ADGRA3: variants seen among roughly 807,000 people sequenced by gnomAD.
The protein encoded by ADGRA3 is adhesion G protein-coupled receptor A3.
A neutral mutation model predicts 119.8 loss-of-function variants in ADGRA3; 56 were observed. The ratio of observed to expected loss-of-function variants is 0.47; its 90% CI spans 0.38 to 0.58. The LOEUF is 0.58. ADGRA3 is among the 20% of genes least tolerant of loss of function. The pLI is 0.00. For synonymous variants in ADGRA3, 607 were observed against 623.8 expected (o/e 0.97, Z 0.40); for missense variants, 1,516 against 1,649.0 (o/e 0.92, Z 1.40).
chr4:22,482,929 C>CTAGA (rs1412507922), intron 1 of ADGRA3, among the ~76,000 whole-genome samples: 1 of 152,154 alleles, frequency 6.6e-6, no homozygotes, highest in African/African-American at 2.4e-5. Flanking sequence ...GGATCTGCCT[C>CTAGA]CGTCAATTTT....
At chr4:22,480,938 G>A (rs1718241221) in intron 1 of ADGRA3, among the ~76,000 whole-genome samples, 1 of 152,124 alleles carries the variant, frequency 6.6e-6, no homozygotes, top group South Asian at 2.1e-4. Context: ...TGCTTTGGAA[G>A]GCCAAGGAGG....
intron 17 of ADGRA3, among the ~76,000 whole-genome samples, chr4:22,390,114 C>A (rs148543783): frequency 2.6e-5 from 4 of 151,732 alleles, no homozygotes; most frequent in Non-Finnish European, 5.9e-5. Context: ...GCCAATAATA[C>A]GTGACCTTCC....
At chr4:22,454,681 G>C (rs1717179716) in intron 4 of ADGRA3, among the ~76,000 whole-genome samples, 185 bp downstream of exon 4, 1 of 152,042 alleles carries the variant, frequency 6.6e-6, no homozygotes, top group Non-Finnish European at 1.5e-5. Context: ...TGTGTGGTGT[G>C]GTAAGGTAGC....
Position 22,435,458 on chromosome 4 carries a change from G to A in ADGRA3, c.1296C>T (p.Leu432=). The A allele has an allele frequency of 1.9e-6, 3 of 1,591,946 alleles. No homozygotes were observed. The highest frequency in any genetic ancestry group is 2.6e-6 in the Non-Finnish European group (3 of 1,163,114). The part of the protein sequence containing the change: ...RVLYMFNQMP[L]NLTNAVATAR... Reference sequence around the variant, plus strand: ...CTGTTGCCACGGCATTGGTAAGATTGAGGGGCATCTACATTTCAAAGGCAA... The same window carrying A: ...CTGTTGCCACGGCATTGGTAAGATTAAGGGGCATCTACATTTCAAAGGCAA... The change falls in exon 10 of 19, where the codon CTC becomes CTT. Residue 432 remains leucine (L), a synonymous_variant. Transcript: ENST00000334304.
At chr4:22,431,966 T>C (rs1716189313) in intron 10 of ADGRA3, among the ~76,000 whole-genome samples, 2 of 152,112 alleles carry the variant, frequency 1.3e-5, no homozygotes, top group South Asian at 4.1e-4. Context: ...TTACATATCA[T>C]TTCAGTTAAA....
Position 22,388,888 on chromosome 4 carries a change from G to C in ADGRA3, c.2783C>G (p.Thr928Ser). Reference sequence around the variant, plus strand: ...CAGAAAGTACATGCAGTTTACAAAAGTGATGAAGCTGGCTGGCCCATAGAA... The same window carrying C: ...CAGAAAGTACATGCAGTTTACAAAACTGATGAAGCTGGCTGGCCCATAGAA... ...GAFYGPASFI[T>S]FVNCMYFLSI... is the part of the protein sequence containing the mutation. Residue 928 changes from threonine (T) to serine (S), a missense_variant, in exon 19 of 19, where the codon ACT becomes AGT. Transcript: ENST00000334304. 6.2e-7 allele frequency: 1 copy of C among 1,614,092 alleles called. No individual in the cohort carries two copies. Among genetic ancestry groups the C allele is most frequent in the Non-Finnish European group, 8.5e-7 (1 of 1,179,988 alleles).
At chr4:22,448,583 G>T (rs1267934401) in intron 4 of ADGRA3, among the ~76,000 whole-genome samples, 1 of 152,182 alleles carries the variant, frequency 6.6e-6, no homozygotes, top group Non-Finnish European at 1.5e-5. Flanking sequence ...CCATTGGGCA[G>T]ATGCATTTCC....
In ADGRA3 at chr4:22,388,885, A is replaced by T. The variant is rs758044799; in HGVS notation, c.2786T>A (p.Phe929Tyr). 1 of 1,614,110 alleles carries T rather than the reference A, an allele frequency of 6.2e-7. No homozygotes were observed. The highest frequency in any genetic ancestry group is 8.5e-7 in the Non-Finnish European group (1 of 1,180,000). ...GCTCAGAAAGTACATGCAGTTTACAAAAGTGATGAAGCTGGCTGGCCCATA... is the reference window on the plus strand; with the variant it reads ...GCTCAGAAAGTACATGCAGTTTACATAAGTGATGAAGCTGGCTGGCCCATA... ...AFYGPASFIT[F>Y]VNCMYFLSIF... is the part of the protein sequence containing the mutation. Residue 929 changes from phenylalanine (F) to tyrosine (Y), a missense_variant, in exon 19 of 19, where the codon TTT becomes TAT. Phe to Tyr is a conservative substitution (Grantham distance 22). Coordinates refer to ENST00000334304, the MANE Select transcript of ADGRA3 (RefSeq NM_145290.4).
chr4:22,445,124 C>A lies in ADGRA3; in HGVS notation c.555G>T (p.Gln185His). The A allele has an allele frequency of 6.2e-7, 1 of 1,613,616 alleles. No homozygotes were observed. The highest frequency in any genetic ancestry group is 1.1e-5 in the South Asian group (1 of 91,052). Residue 185 changes from glutamine to histidine, a missense_variant, in exon 6 of 19, where the codon CAG becomes CAT. Gln to His is a conservative substitution (Grantham distance 24, BLOSUM62 0). Around this residue, in one of 2 missense-constraint regions of ADGRA3, gnomAD observed 428 missense variants for 541.9 expected, o/e 0.79. Coordinates refer to ENST00000334304, the MANE Select transcript of ADGRA3 (RefSeq NM_145290.4). The part of the protein sequence containing the change: ...YLASLRSLEF[Q>H]TEYLLCDCNI... ...TACAGTCACACAAAAGATACTCAGT[C>A]TGGAATTCCCTGTAACATGCAAATA...
chr4:22,507,420 T>C (rs1229019511), intron 1 of ADGRA3, among the ~76,000 whole-genome samples: 3 of 152,148 alleles, frequency 2.0e-5, no homozygotes, highest in Non-Finnish European at 4.4e-5. Context: ...GAAAAATAAG[T>C]CACTGAATAG....
intron 1 of ADGRA3, among the ~76,000 whole-genome samples, chr4:22,492,536 T>A (rs1285646684): frequency 2.0e-5 from 3 of 152,160 alleles, no homozygotes; most frequent in Non-Finnish European, 4.4e-5. Flanking sequence ...ATAGAGTTTA[T>A]GTACTAGTGG....
rs545763677 is a variant in ADGRA3, at chr4:22,388,288, T to A, written c.3383A>T (p.Asn1128Ile). 1 of 1,614,110 alleles carries A rather than the reference T, an allele frequency of 6.2e-7. No individual in the cohort carries two copies. Among genetic ancestry groups the A allele is most frequent in the Non-Finnish European group, 8.5e-7 (1 of 1,180,002 alleles). ...AGGGGTGGAGTTCAAAGGTAAAGAA[T>A]TGGCATGGCACTGAGCTGCAGCCGC... ...LQAAAAQCHA[N>I]SLPLNSTPQL... Residue 1128 changes from asparagine to isoleucine, a missense_variant, in exon 19 of 19, where the codon AAT (asparagine) becomes ATT (isoleucine). Coordinates refer to ENST00000334304, the MANE Select transcript of ADGRA3 (RefSeq NM_145290.4).
Position 22,402,779 on chromosome 4 carries a change from T to C in ADGRA3, c.2253A>G (p.Leu751=), listed in dbSNP as rs775764700. 6.2e-7 allele frequency: 1 copy of C among 1,613,526 alleles called. No homozygotes were observed. The highest frequency in any genetic ancestry group is 2.2e-5 in the East Asian group (1 of 44,846). The change falls in exon 15 of 19, where the codon CTA becomes CTG. Residue 751 remains leucine (L), a synonymous_variant. Coordinates refer to ENST00000334304, the MANE Select transcript of ADGRA3 (RefSeq NM_145290.4). ...AVLMDLTGSE[L]YTQAASLLHP... ...GCAGGAGGCTGGCCGCCTGGGTGTA[T>C]AGTTCAGATCCCGTCAAATCCTGAG...
chr4:22,483,953 A>G (rs1216835383), intron 1 of ADGRA3, among the ~76,000 whole-genome samples: 4 of 151,536 alleles, frequency 2.6e-5, no homozygotes, highest in Admixed American at 2.6e-4. Flanking sequence ...ACTTATAAGA[A>G]AAACAGTTAA....
At chr4:22,503,156 C>CAGG (rs769382296) in intron 1 of ADGRA3, among the ~76,000 whole-genome samples, 11 of 152,088 alleles carry the variant, frequency 7.2e-5, no homozygotes, top group Non-Finnish European at 1.2e-4. Flanking sequence ...ACTGCACTTC[C>CAGG]AGGTTACTGG....
In ADGRA3 at chr4:22,441,256, G is replaced by A. The variant is rs1366049638; in HGVS notation, c.920+1394C>T. Among the ~76,000 whole-genome samples, 4 of 152,160 alleles carry A rather than the reference G, an allele frequency of 2.6e-5. No individual in the cohort carries two copies. The East Asian group carries it at 7.7e-4, about 29-fold the overall frequency. On this transcript the variant is annotated intron_variant, in intron 7 of 18. Transcript: ENST00000334304. ...TGCACCAAGATCTCTTACTGATCCT[G>A]AACTACACTTGCAGGTAGAGAGCAG...
intron 3 of ADGRA3, among the ~76,000 whole-genome samples, chr4:22,456,532 G>C (rs772492465): frequency 1.3e-5 from 2 of 152,202 alleles, no homozygotes; most frequent in Admixed American, 6.5e-5. Flanking sequence ...TCTGGAACTT[G>C]CATCAGTGGG....
intron 4 of ADGRA3, among the ~76,000 whole-genome samples, chr4:22,447,906 T>C (rs11933055): frequency 6.6e-6 from 1 of 151,898 alleles, no homozygotes; most frequent in Non-Finnish European, 1.5e-5. Flanking sequence ...CTTTAAAAAA[T>C]AACAAAAGGA....
intron 17 of ADGRA3, among the ~76,000 whole-genome samples, chr4:22,389,542 T>C (rs555705719): frequency 1.1e-3 from 166 of 152,118 alleles, no homozygotes; most frequent in African/African-American, 3.7e-3. Context: ...TCTTTTAGAT[T>C]CAGCCGGTGA....
Sources: gnomAD v4.1 joint callset for allele counts (sites outside exome capture counted in the v4.1 genomes callset) on GRCh38, gnomAD v4.1.1 for gene constraint, gnomAD v4.1.1 regional missense constraint, MANE v1.5 for transcripts, NCBI Gene and HGNC (gene_info 2026-07-23, HGNC 2026-07-21) for gene names.